Variants in MAP2K2 observed in about 807,000 individuals in gnomAD.
MAP2K2 encodes dual specificity mitogen-activated protein kinase kinase 2.
A neutral mutation model predicts 43.7 loss-of-function variants in MAP2K2; 24 were observed. The ratio of observed to expected loss-of-function variants is 0.55; its 90% CI spans 0.40 to 0.77. The LOEUF (loss-of-function observed/expected upper bound fraction) is 0.77. Among genes scored for constraint, MAP2K2 ranks in the 30% least tolerant of loss-of-function variants. The pLI is 0.00. For missense variants in MAP2K2, 470 were observed against 566.8 expected (o/e 0.83, Z 1.73); for synonymous variants, 244 against 239.7 (o/e 1.02, Z -0.17).
intron 10 of MAP2K2, among the ~76,000 whole-genome samples, chr19:4,093,835 AG>A: frequency 6.6e-6 from 1 of 152,262 alleles, no homozygotes; most frequent in Non-Finnish European, 1.5e-5. Flanking sequence ...TCCGCCAATC[AG>A]CTGTCGAGGG....
At chr19:4,092,762 C>T (rs1413587113) in intron 10 of MAP2K2, among the ~76,000 whole-genome samples, 2 of 152,032 alleles carry the variant, frequency 1.3e-5, no homozygotes, top group Non-Finnish European at 2.9e-5. Context: ...CCCAGCCTGC[C>T]TCATTAAAAA....
Position 4,094,501 on chromosome 19 carries a change from G to A in MAP2K2, c.1047-3C>T, listed in dbSNP as rs1002166872. Reference sequence around the variant, plus strand: ...GCTCCGCTGGGTTCTTGATGAGGCTGGGGGTTCCAAGAGGCAGGACCGGGA... The same window carrying A: ...GCTCCGCTGGGTTCTTGATGAGGCTAGGGGTTCCAAGAGGCAGGACCGGGA... On this transcript the variant is annotated splice_polypyrimidine_tract_variant and splice_region_variant and intron_variant, in intron 9 of 10. Transcript: ENST00000262948. 2 of 1,569,492 alleles carry A rather than the reference G, an allele frequency of 1.3e-6. No individual in the cohort carries two copies. The highest frequency in any genetic ancestry group is 2.3e-5 in the East Asian group (1 of 43,134).
At chr19:4,103,794 A>G (rs536949486) in intron 3 of MAP2K2, among the ~76,000 whole-genome samples, 1 of 152,324 alleles carries the variant, frequency 6.6e-6, no homozygotes, top group African/African-American at 2.4e-5. Flanking sequence ...ACGTGACTCC[A>G]TCCACCAGCT....
chr19:4,121,655 C>T (rs1599310705), intron 1 of MAP2K2, among the ~76,000 whole-genome samples: 1 of 101,552 alleles, frequency 9.8e-6, no homozygotes, highest in African/African-American at 3.9e-5. Context: ...ACCCCCCCCA[C>T]AACATGAACC....
In MAP2K2 at chr19:4,090,486, GGGT is replaced by G; in HGVS notation, c.*109_*111del. ...CGCCCCGCCACGGTGCTCTCCGCAG[GGGT>G]GAGGCAGGAGGGTGGGTGGAGGCGC... On this transcript the variant is annotated 3_prime_UTR_variant, in exon 11 of 11. Transcript: ENST00000262948. The G allele has an allele frequency of 1.1e-6, 1 of 910,400 alleles. No homozygotes were observed. The highest frequency in any genetic ancestry group is 2.6e-5 in the East Asian group (1 of 37,972). The allele number at this position is 910,400 out of a possible 1,614,324, so 56.4% of individuals were successfully genotyped here.
chr19:4,123,195 G>C (rs2041322989), intron 1 of MAP2K2, among the ~76,000 whole-genome samples: 1 of 151,094 alleles, frequency 6.6e-6, no homozygotes, highest in African/African-American at 2.4e-5. Context: ...CCCTCACCCC[G>C]ATCTCACTGC....
In MAP2K2 at chr19:4,092,504, G is replaced by A. The variant is rs769101880; in HGVS notation, c.1093-1796C>T. ...CTCGAGAGGCTGAGGCAGGAGAACC[G>A]CTTGAACCTGGAAGATGGAGTTTGC... On this transcript the variant is annotated intron_variant, in intron 10 of 10. Coordinates refer to ENST00000262948, the MANE Select transcript of MAP2K2 (RefSeq NM_030662.4). 5.3e-4 allele frequency among the ~76,000 whole-genome samples: 81 copies of A among 151,912 alleles called. 1 individual carries two copies. The highest frequency in any genetic ancestry group is 2.8e-4 in the Non-Finnish European group (19 of 67,990).
chr19:4,099,241 G>A lies in MAP2K2; in HGVS notation c.879C>T (p.Ser293=), dbSNP rs758615524. Residue 293 remains serine, a synonymous_variant, in exon 7 of 11, where the codon AGC becomes AGT. Coordinates refer to ENST00000262948, the MANE Select transcript of MAP2K2 (RefSeq NM_030662.4). The part of the protein sequence containing the change: ...VVDGEEGEPH[S]ISPRPRPPGR... ...CGGGGGGCCTCGGCCGAGGCGAGAT[G>A]CTGTGAGGCTCTCCTTCTTCCCCGT... 6.2e-7 allele frequency: 1 copy of A among 1,606,096 alleles called. No homozygotes were observed. Among genetic ancestry groups the A allele is most frequent in the East Asian group, 2.2e-5 (1 of 44,622 alleles).
intron 3 of MAP2K2, among the ~76,000 whole-genome samples, chr19:4,107,114 C>T (rs990593723): frequency 2.0e-5 from 3 of 152,164 alleles, no homozygotes; most frequent in African/African-American, 7.2e-5. Flanking sequence ...ATAAATACAT[C>T]ACTGGGCACG....
intron 9 of MAP2K2, 167 bp from the exon 10 acceptor site, chr19:4,094,665 AGG>A: frequency 1.5e-6 from 1 of 663,842 alleles, no homozygotes; most frequent in Non-Finnish European, 2.7e-6. Flanking sequence ...CTCCTGGCAG[AGG>A]ACGAGGGATC....
chr19:4,117,668 G>T (rs972210835), intron 1 of MAP2K2, 39 bp from the exon 2 acceptor site: 2 of 1,594,782 alleles, frequency 1.3e-6, no homozygotes, highest in Non-Finnish European at 1.7e-6. Flanking sequence ...GCTACCTAGG[G>T]AGACTCCATC....
chr19:4,099,443 C>T (rs2145050691), intron 6 of MAP2K2, 29 bp from the exon 7 acceptor site: 1 of 1,564,426 alleles, frequency 6.4e-7, no homozygotes, highest in Non-Finnish European at 8.7e-7. Context: ...GGAAAGAGCC[C>T]AGAGGGGCGA....
chr19:4,097,520 T>A (rs901090331), intron 7 of MAP2K2, among the ~76,000 whole-genome samples, 177 bp from the exon 8 acceptor site: 1 of 151,992 alleles, frequency 6.6e-6, no homozygotes, highest in African/African-American at 2.4e-5. Context: ...TGGGTTCCAT[T>A]CCCTGGGACA....
At chr19:4,116,748 C>T (rs1319534544) in intron 2 of MAP2K2, among the ~76,000 whole-genome samples, 2 of 151,716 alleles carry the variant, frequency 1.3e-5, no homozygotes, top group Admixed American at 6.6e-5. Flanking sequence ...GCCAACATGG[C>T]GAAACCCTGC....
At chr19:4,113,607 G>A (rs143809007) in intron 2 of MAP2K2, among the ~76,000 whole-genome samples, 1 of 152,310 alleles carries the variant, frequency 6.6e-6, no homozygotes, top group African/African-American at 2.4e-5. Context: ...GGGAACACTG[G>A]AGCCCGTATT....
chr19:4,095,470 T>C (rs549530333), intron 8 of MAP2K2, 21 bp from the exon 9 acceptor site: 7 of 1,549,468 alleles, frequency 4.5e-6, no homozygotes, highest in South Asian at 1.2e-5. Flanking sequence ...GAACAGAGGG[T>C]GGGGTCAGCC....
Position 4,099,319 on chromosome 19 carries a change from G to T in MAP2K2, c.801C>A (p.Ile267=), listed in dbSNP as rs1312814035. 1.9e-6 allele frequency: 3 copies of T among 1,608,918 alleles called. No homozygotes were observed. Residue 267 remains isoleucine, a synonymous_variant, in exon 7 of 11, where the codon ATC becomes ATA. Transcript: ENST00000262948. Reference sequence around the variant, plus strand: ...CCAGCTCTTTGGCGTCGGGCGGGGGGATGGGGTACCTTCCGACGGCCAGCT... The same window carrying T: ...CCAGCTCTTTGGCGTCGGGCGGGGGTATGGGGTACCTTCCGACGGCCAGCT... The part of the protein sequence containing the change: ...LVELAVGRYP[I]PPPDAKELEA...
At chr19:4,110,710 G>A (rs2145070665) in intron 2 of MAP2K2, 55 bp from the exon 3 acceptor site, 1 of 1,580,922 alleles carries the variant, frequency 6.3e-7, no homozygotes, top group Admixed American at 1.7e-5. Flanking sequence ...ACGGGATGAA[G>A]GCATTTGGGG....
chr19:4,097,924 G>T (rs1311201859), intron 7 of MAP2K2, among the ~76,000 whole-genome samples: 1 of 152,182 alleles, frequency 6.6e-6, no homozygotes, highest in Non-Finnish European at 1.5e-5. Context: ...GACTGGGAGA[G>T]GCTGAGGCTA....
Sources: gnomAD v4.1 joint callset for allele counts (sites outside exome capture counted in the v4.1 genomes callset) on GRCh38, gnomAD v4.1.1 for gene constraint, MANE v1.5 for transcripts, NCBI Gene and HGNC (gene_info 2026-07-23, HGNC 2026-07-21) for gene names.